The following INPP4B variants were observed in gnomAD, a reference collection of about 807,000 sequenced individuals.
INPP4B encodes the protein inositol polyphosphate 4-phosphatase type II.
A neutral mutation model predicts 122.5 loss-of-function variants in INPP4B; 55 were observed. The observed-to-expected ratio is 0.45, with a 90% CI of 0.36 to 0.56. The LOEUF is 0.56. Among genes scored for constraint, INPP4B ranks in the 20% least tolerant of loss-of-function variants. INPP4B has a pLI of 0.00. For synonymous variants in INPP4B, 403 were observed against 388.7 expected (o/e 1.04, Z -0.43); for missense variants, 1,000 against 1,097.7 (o/e 0.91, Z 1.26).
intron 7 of INPP4B, among the ~76,000 whole-genome samples, chr4:142,360,073 T>C (rs1579842052): frequency 6.6e-6 from 1 of 151,988 alleles, no homozygotes; most frequent in African/African-American, 2.4e-5. Flanking sequence ...TAAAGAAATA[T>C]TAAAAGAAAT....
At chr4:142,034,359 TC>T (rs1368227689) in intron 25 of INPP4B, among the ~76,000 whole-genome samples, 2 of 151,888 alleles carry the variant, frequency 1.3e-5, no homozygotes, top group Admixed American at 6.6e-5. Flanking sequence ...CATAGGACAG[TC>T]CCTGCCACAA....
intron 2 of INPP4B, among the ~76,000 whole-genome samples, chr4:142,647,269 T>C (rs1751980039): frequency 6.6e-6 from 1 of 152,164 alleles, no homozygotes; most frequent in African/African-American, 2.4e-5. Context: ...TGGTTTTTTA[T>C]CATTGTTGTT....
chr4:142,208,060 C>T lies in INPP4B; in HGVS notation c.1072+365G>A, dbSNP rs528230406. 6.6e-5 allele frequency among the ~76,000 whole-genome samples: 10 copies of T among 151,944 alleles called. No individual in the cohort carries two copies. In the East Asian group the frequency reaches 1.9e-3, roughly 29 times the overall value. ...CCTGGCATATTAGTCCACTTTGGGGCTTTGGTTTCTCAAGACAGGAAAAAT... is the reference window on the plus strand; with the variant it reads ...CCTGGCATATTAGTCCACTTTGGGGTTTTGGTTTCTCAAGACAGGAAAAAT... On this transcript the variant is annotated intron_variant, in intron 14 of 25. Transcript: ENST00000262992.
Position 142,448,560 on chromosome 4 carries a change from T to C in INPP4B, c.-127+14103A>G, listed in dbSNP as rs141771789. 4.6e-3 allele frequency among the ~76,000 whole-genome samples: 699 copies of C among 152,242 alleles called. 4 individuals are homozygous for C. Among genetic ancestry groups the C allele is most frequent in the Middle Eastern group, 0.037 (11 of 294 alleles). ...GAGTGTGAATGGATAGGATCACACC[T>C]AGAAAATCTGGTTAAGTAAGGATCA... On this transcript the variant is annotated intron_variant, in intron 3 of 25. Transcript: ENST00000262992.
At chr4:142,433,492 T>G (rs1419225852) in intron 3 of INPP4B, among the ~76,000 whole-genome samples, 1 of 152,186 alleles carries the variant, frequency 6.6e-6, no homozygotes, top group African/African-American at 2.4e-5. Context: ...ATAGTTCAGT[T>G]ATATTTAATT....
intron 2 of INPP4B, among the ~76,000 whole-genome samples, chr4:142,464,664 G>A (rs1214007114): frequency 2.0e-5 from 3 of 151,436 alleles, no homozygotes; most frequent in Non-Finnish European, 4.4e-5. Flanking sequence ...TGATCACTTA[G>A]TTGCAACTAA....
chr4:142,818,114 T>C (rs901667205), intron 1 of INPP4B, among the ~76,000 whole-genome samples: 6 of 152,110 alleles, frequency 3.9e-5, no homozygotes, highest in African/African-American at 1.4e-4. Context: ...TGTTAAAGAA[T>C]GCAAAGATGA....
intron 1 of INPP4B, among the ~76,000 whole-genome samples, chr4:142,743,389 T>G (rs763714615): frequency 1.3e-5 from 2 of 151,940 alleles, no homozygotes; most frequent in Non-Finnish European, 1.5e-5. Context: ...AAGTAGCTGC[T>G]CAGAAGGGAG....
chr4:142,771,420 G>C lies in INPP4B; in HGVS notation c.-253-45519C>G, dbSNP rs545625176. On this transcript the variant is annotated intron_variant, in intron 1 of 25. Transcript: ENST00000262992. ...AAATGTATGGAGAACCAATTTTAGG[G>C]AAGTAATAATGAAGGCAGGTAGACC... Among the ~76,000 whole-genome samples the C allele has an allele frequency of 7.2e-5, 11 of 152,228 alleles. No individual in the cohort carries two copies. In the South Asian group the frequency reaches 1.7e-3, roughly 23 times the overall value.
chr4:142,040,842 C>T (rs1317492072), intron 25 of INPP4B, among the ~76,000 whole-genome samples: 2 of 152,172 alleles, frequency 1.3e-5, no homozygotes, highest in Non-Finnish European at 2.9e-5. Context: ...TTTCACTGCT[C>T]TAGTTTGTCA....
At chr4:142,032,800 G>GT (rs1388978076) in intron 25 of INPP4B, among the ~76,000 whole-genome samples, 1 of 152,166 alleles carries the variant, frequency 6.6e-6, no homozygotes, top group Non-Finnish European at 1.5e-5. Context: ...AGTAGCTCAT[G>GT]TAAGTCAATT....
At chr4:142,070,064 G>T (rs1265113314) in intron 25 of INPP4B, among the ~76,000 whole-genome samples, 1 of 152,156 alleles carries the variant, frequency 6.6e-6, no homozygotes, top group Non-Finnish European at 1.5e-5. Context: ...TATCCCTGAA[G>T]AACATCGAAG....
chr4:142,734,672 T>C (rs1766573257), intron 1 of INPP4B, among the ~76,000 whole-genome samples: 1 of 151,586 alleles, frequency 6.6e-6, no homozygotes, highest in African/African-American at 2.4e-5. Flanking sequence ...TCAGATGGAG[T>C]TTCACCCTTG....
chr4:142,161,213 A>T (rs990995138), intron 16 of INPP4B, among the ~76,000 whole-genome samples: 2 of 151,990 alleles, frequency 1.3e-5, no homozygotes, highest in Non-Finnish European at 2.9e-5. Flanking sequence ...TTACTGTGAA[A>T]CTTGGCATGT....
intron 15 of INPP4B, among the ~76,000 whole-genome samples, chr4:142,192,074 C>T (rs561647637): frequency 1.4e-4 from 21 of 151,812 alleles, no homozygotes; most frequent in African/African-American, 5.1e-4. Context: ...TTTTCTAATA[C>T]TATTACTAAA....
intron 9 of INPP4B, chr4:142,287,157 C>A (rs1308653046): frequency 6.6e-6 from 1 of 152,166 alleles, no homozygotes; most frequent in Non-Finnish European, 1.5e-5. Context: ...TTAGGTTATG[C>A]ATATAATCTC....
chr4:142,195,499 G>T (rs1385573398), intron 14 of INPP4B, among the ~76,000 whole-genome samples: 1 of 152,182 alleles, frequency 6.6e-6, no homozygotes, highest in Non-Finnish European at 1.5e-5. Flanking sequence ...TGATGGATTT[G>T]TCTGTTACCT....
chr4:142,125,925 T>C (rs1178330953), intron 18 of INPP4B, among the ~76,000 whole-genome samples: 3 of 152,162 alleles, frequency 2.0e-5, no homozygotes, highest in Non-Finnish European at 2.9e-5. Context: ...TTTAAAGATA[T>C]AGACAAGTTT....
At chr4:142,074,463 A>G (rs953992096) in intron 25 of INPP4B, among the ~76,000 whole-genome samples, 1 of 152,138 alleles carries the variant, frequency 6.6e-6, no homozygotes, top group African/African-American at 2.4e-5. Flanking sequence ...TGGCTTATAA[A>G]TTAGTATAGC....
Sources: allele counts gnomAD v4.1 joint callset (sites outside exome capture counted in the v4.1 genomes callset), GRCh38; gene constraint gnomAD v4.1.1; transcripts MANE v1.5; gene names NCBI Gene and HGNC (gene_info 2026-07-23, HGNC 2026-07-21).